The following CSMD1 variants were observed in gnomAD, a reference collection of about 807,000 sequenced individuals.
CSMD1 encodes CUB and sushi domain-containing protein 1.
A neutral mutation model predicts 417.5 loss-of-function variants in CSMD1; 213 were observed. The ratio of observed to expected loss-of-function variants is 0.51; its 90% confidence interval spans 0.46 to 0.57. CSMD1 has a LOEUF of 0.57. CSMD1 is among the 20% of genes least tolerant of loss of function. The probability of loss-of-function intolerance (pLI) is 0.00; values close to 1 mark genes in which losing one functional copy is unlikely to be tolerated. For missense variants in CSMD1, 6,923 were observed against 4,529.7 expected (o/e 1.53, Z -15.17); for synonymous variants, 2,862 against 1,736.8 (o/e 1.65, Z -16.11).
chr8:4,104,567 C>A (rs1424715210), intron 3 of CSMD1, among the ~76,000 whole-genome samples: 1 of 148,938 alleles, frequency 6.7e-6, no homozygotes, highest in African/African-American at 2.4e-5. Flanking sequence ...TTCTGTTAAA[C>A]TGTAAATAAA....
chr8:3,497,396 C>G (rs1242773674), intron 10 of CSMD1, among the ~76,000 whole-genome samples: 1 of 147,904 alleles, frequency 6.8e-6, no homozygotes, highest in Non-Finnish European at 1.5e-5. Flanking sequence ...ATTTGTTTCA[C>G]TTTCCATTTA....
chr8:4,614,327 T>C (rs899512931), intron 2 of CSMD1, among the ~76,000 whole-genome samples: 2 of 152,152 alleles, frequency 1.3e-5, no homozygotes, highest in Non-Finnish European at 2.9e-5. Context: ...AATCCTGTCT[T>C]GAAGGTAGCA....
chr8:3,207,394 C>A (rs1474134695), intron 30 of CSMD1, among the ~76,000 whole-genome samples: 1 of 151,708 alleles, frequency 6.6e-6, no homozygotes, highest in East Asian at 1.9e-4. Context: ...CCGCATGGCT[C>A]AGCCTCCCAA....
At chr8:4,809,270 T>C (rs181930294) in intron 1 of CSMD1, among the ~76,000 whole-genome samples, 1 of 152,278 alleles carries the variant, frequency 6.6e-6, no homozygotes, top group East Asian at 1.9e-4. Flanking sequence ...TGAAGGGCAA[T>C]AAGAAAATCA....
At chr8:4,042,815 T>TAACAAAAAACAAAAAAAAAAAAAAAAAA (rs1797959322) in intron 3 of CSMD1, among the ~76,000 whole-genome samples, 1 of 41,312 alleles carries the variant, frequency 2.4e-5, no homozygotes, top group Admixed American at 3.6e-4. Flanking sequence ...TACAACATAT[T>TAACAAAAAACAAAAAAAAAAAAAAAAAA]AAAAAAAAAA....
chr8:3,219,316 C>G lies in CSMD1; in HGVS notation c.4611G>C (p.Leu1537=). Residue 1537 remains leucine, a synonymous_variant, in exon 29 of 70, where the codon CTG becomes CTC. Coordinates refer to ENST00000635120, the MANE Select transcript of CSMD1 (RefSeq NM_033225.6). ...AGGCATCACTCCGAAATGCCAGAAA[C>G]AGGCTGTTTCCGCTACTCTCTATTC... ...PERIESSGNS[L]FLAFRSDASV... is the part of the protein sequence containing the mutation. 1 of 1,589,986 alleles carries G rather than the reference C, an allele frequency of 6.3e-7. No individual in the cohort carries two copies. Among genetic ancestry groups the G allele is most frequent in the Non-Finnish European group, 8.6e-7 (1 of 1,167,256 alleles).
At chr8:3,034,880 T>C (rs1810571704) in intron 50 of CSMD1, among the ~76,000 whole-genome samples, 1 of 152,052 alleles carries the variant, frequency 6.6e-6, no homozygotes, top group African/African-American at 2.4e-5. Flanking sequence ...GGAGCAAAAA[T>C]ATGACTCGAA....
chr8:3,343,197 C>T (rs1459827975), intron 23 of CSMD1, 97 bp downstream of exon 23: 3 of 1,065,386 alleles, frequency 2.8e-6, no homozygotes, highest in Non-Finnish European at 4.1e-6. Flanking sequence ...AGTAGGCAGC[C>T]AGAAAAAAAT....
At chr8:3,167,752 A>T (rs988094539) in intron 37 of CSMD1, among the ~76,000 whole-genome samples, 1 of 152,220 alleles carries the variant, frequency 6.6e-6, no homozygotes, top group African/African-American at 2.4e-5. Context: ...TAATGGCTTC[A>T]CCTACCACTG....
intron 3 of CSMD1, among the ~76,000 whole-genome samples, chr8:4,197,251 C>G (rs571976337): frequency 6.6e-6 from 1 of 152,200 alleles, no homozygotes; most frequent in African/African-American, 2.4e-5. Flanking sequence ...TTTCGTATAA[C>G]CAGATAGATT....
At chr8:4,656,190 A>T (rs187651820) in intron 1 of CSMD1, among the ~76,000 whole-genome samples, 1 of 152,150 alleles carries the variant, frequency 6.6e-6, no homozygotes, top group Non-Finnish European at 1.5e-5. Flanking sequence ...AACACTGAGG[A>T]AGGACTATTC....
intron 1 of CSMD1, among the ~76,000 whole-genome samples, chr8:4,897,036 A>C (rs115938280): frequency 6.6e-6 from 1 of 152,056 alleles, no homozygotes; most frequent in African/African-American, 2.4e-5. Context: ...AGTTTTATCA[A>C]TGTTTTAAAA....
intron 2 of CSMD1, among the ~76,000 whole-genome samples, chr8:4,453,599 G>T (rs547487540): frequency 8.5e-5 from 13 of 152,162 alleles, no homozygotes; most frequent in Non-Finnish European, 1.6e-4. Context: ...GAACTGCTGT[G>T]AATCGACAGC....
intron 3 of CSMD1, among the ~76,000 whole-genome samples, chr8:4,297,862 T>C (rs1797770923): frequency 6.6e-6 from 1 of 152,224 alleles, no homozygotes; most frequent in Non-Finnish European, 1.5e-5. Context: ...CTGGTGGTCC[T>C]GCACTTTAAA....
intron 1 of CSMD1, among the ~76,000 whole-genome samples, chr8:4,892,659 C>A (rs947170859): frequency 6.6e-6 from 1 of 152,030 alleles, no homozygotes; most frequent in African/African-American, 2.4e-5. Context: ...TTTTCTTCTT[C>A]AGACTTATGT....
At chr8:3,528,832 T>G (rs1031870543) in intron 10 of CSMD1, among the ~76,000 whole-genome samples, 3 of 152,200 alleles carry the variant, frequency 2.0e-5, no homozygotes, top group Non-Finnish European at 4.4e-5. Context: ...GTTCTCCATT[T>G]AAACATAAGA....
intron 3 of CSMD1, among the ~76,000 whole-genome samples, chr8:4,311,173 C>T (rs1201000094): frequency 2.0e-5 from 3 of 152,166 alleles, no homozygotes; most frequent in South Asian, 2.1e-4. Flanking sequence ...GAATATAAAT[C>T]ATTCCACCAT....
chr8:3,158,611 T>TA (rs891820255), intron 38 of CSMD1, among the ~76,000 whole-genome samples: 15 of 151,756 alleles, frequency 9.9e-5, no homozygotes, highest in African/African-American at 3.1e-4. Context: ...CTTTCTACTT[T>TA]AAAAAATCTG....
chr8:4,563,540 C>G (rs1489293711), intron 2 of CSMD1, among the ~76,000 whole-genome samples: 3 of 152,198 alleles, frequency 2.0e-5, no homozygotes, highest in African/African-American at 7.2e-5. Flanking sequence ...ATACTCCTCA[C>G]CACACATCCT....
Sources: gnomAD v4.1 joint callset for allele counts (sites outside exome capture counted in the v4.1 genomes callset) on GRCh38, gnomAD v4.1.1 for gene constraint, MANE v1.5 for transcripts, NCBI Gene and HGNC (gene_info 2026-07-23, HGNC 2026-07-21) for gene names.